Variants in LRRC9 observed in about 807,000 individuals in gnomAD.
LRRC9 encodes the protein leucine rich repeat containing 9.
A neutral mutation model predicts 63.2 loss-of-function variants in LRRC9; 122 were observed. The observed-to-expected ratio is 1.93, with a 90% CI of 1.67 to 2.24. The LOEUF is 2.24. LRRC9 is among the 30% of genes most tolerant of loss of function. The probability of loss-of-function intolerance (pLI) is 0.00; values close to 1 mark genes in which losing one functional copy is unlikely to be tolerated. For missense variants in LRRC9, 1,071 were observed against 627.7 expected, an observed-to-expected ratio of 1.71 and a Z score of -7.55; for synonymous variants, 366 against 213.1, an observed-to-expected ratio of 1.72 and a Z score of -6.25.
intron 31 of LRRC9, among the ~76,000 whole-genome samples, chr14:60,061,308 C>T (rs1566917405): frequency 6.6e-6 from 1 of 152,138 alleles, no homozygotes; most frequent in African/African-American, 2.4e-5. Context: ...TAAGAAATTG[C>T]CACAGCCACC....
rs1015770060 is a variant in LRRC9, at chr14:59,919,932, C to G, written c.-34+49C>G. 7.2e-5 allele frequency: 11 copies of G among 152,260 alleles called. No individual in the cohort carries two copies. The highest frequency in any genetic ancestry group is 1.3e-4 in the Non-Finnish European group (9 of 68,066). The allele number at this position is 152,260 out of a possible 1,614,324, so 9.4% of individuals were successfully genotyped here. The stretch of plus-strand genomic sequence containing the variant: ...TACAGAAAAACCTGCCAGCGAGAAG[C>G]TCCCGCCGTTTCCCAGGAGCCCCAG... On this transcript the variant is annotated intron_variant, in intron 1 of 31. Transcript: ENST00000445360. This position sits in a 1 kb window ranked among gnomAD's most constrained non-coding sequence, Gnocchi z 4.5.
At chr14:59,933,613 T>C (rs993592906) in intron 6 of LRRC9, among the ~76,000 whole-genome samples, 1 of 152,116 alleles carries the variant, frequency 6.6e-6, no homozygotes, top group African/African-American at 2.4e-5. Flanking sequence ...GGCAAAAATA[T>C]AAAAATACCA....
chr14:60,004,514 G>C lies in LRRC9; in HGVS notation c.2842+716G>C, dbSNP rs957380632. On this transcript the variant is annotated intron_variant, in intron 21 of 31. Coordinates refer to ENST00000445360, the Ensembl canonical transcript of LRRC9. The surrounding 1 kb of genome is among the most constrained non-coding windows in gnomAD (Gnocchi z 4.8). ...ATTTTATTTGACTGTTTAAAGTTCA[G>C]TATTAAAACATATTTTTCTGAACCA... Among the ~76,000 whole-genome samples the C allele has an allele frequency of 2.0e-5, 3 of 151,932 alleles. No individual in the cohort carries two copies. Among genetic ancestry groups the C allele is most frequent in the Non-Finnish European group, 4.4e-5 (3 of 67,918 alleles).
chr14:59,974,708 G>T (rs1284730710), exon 13 of LRRC9: 3 of 638,334 alleles, frequency 4.7e-6, no homozygotes, highest in African/African-American at 1.9e-5. Context: ...CTTCAGACAT[G>T]GTAAATACAA....
chr14:59,993,186 C>G (rs1339930040), intron 17 of LRRC9, among the ~76,000 whole-genome samples: 4 of 152,120 alleles, frequency 2.6e-5, no homozygotes, highest in Non-Finnish European at 5.9e-5. Flanking sequence ...AATTTTCAAC[C>G]CAGAATTTCA....
At chr14:59,928,414 T>C (rs1277902794) in exon 3 of LRRC9, 2 of 697,898 alleles carry the variant, frequency 2.9e-6, no homozygotes, top group East Asian at 2.7e-5. Flanking sequence ...TTGCTCAAGA[T>C]ATAAAAGAAA....
At chr14:60,014,740 T>A (rs550781395) in intron 23 of LRRC9, among the ~76,000 whole-genome samples, 1 of 152,222 alleles carries the variant, frequency 6.6e-6, no homozygotes, top group South Asian at 2.1e-4. Flanking sequence ...CTTGCATGGA[T>A]TTGGGTTTTT....
At chr14:60,013,987 T>C (rs1890472776) in intron 23 of LRRC9, among the ~76,000 whole-genome samples, 1 of 152,154 alleles carries the variant, frequency 6.6e-6, no homozygotes. Flanking sequence ...ATCTTTCTTC[T>C]GTTTTCTTTT....
chr14:59,944,854 ACACACACACACT>A (rs1882179857), intron 8 of LRRC9, 110 bp downstream of exon 8: 3 of 469,710 alleles, frequency 6.4e-6, no homozygotes, highest in South Asian at 7.7e-5. Context: ...TATAATACAC[ACACACACACACT>A]CACACACACA....
intron 24 of LRRC9, 30 bp downstream of exon 24, chr14:60,016,820 CATT>C (rs1890725486): frequency 3.2e-6 from 2 of 632,546 alleles, no homozygotes; most frequent in South Asian, 3.5e-5. Flanking sequence ...TGCCTTTTTA[CATT>C]ATAATTACAT....
At position 60,060,390 on chromosome 14, in the gene LRRC9, G is replaced by C. The variant is rs887240216; in HGVS notation, c.4276+2368G>C. ...CATGCTGTGGCTGATGGATCAAGGA[G>C]TAACTTCAAGTATTATGATTTAAGA... On this transcript the variant is annotated intron_variant, in intron 31 of 31. Transcript: ENST00000445360. This position sits in a 1 kb window ranked among gnomAD's most constrained non-coding sequence, Gnocchi z 4.0. Among the ~76,000 whole-genome samples the C allele has an allele frequency of 6.6e-6, 1 of 152,146 alleles. No homozygotes were observed. Among genetic ancestry groups the C allele is most frequent in the Non-Finnish European group, 1.5e-5 (1 of 68,040 alleles).
chr14:60,062,541 T>C (rs957006684), intron 31 of LRRC9, among the ~76,000 whole-genome samples: 1 of 152,238 alleles, frequency 6.6e-6, no homozygotes, highest in East Asian at 1.9e-4. Flanking sequence ...AGTTCACTTA[T>C]ACTGTAAACA....
At chr14:59,926,253 T>G (rs915750635) in intron 1 of LRRC9, among the ~76,000 whole-genome samples, 3 of 152,226 alleles carry the variant, frequency 2.0e-5, no homozygotes, top group Non-Finnish European at 2.9e-5. Flanking sequence ...CTGGCAATCA[T>G]TGCTCTTTTT....
At position 59,986,344 on chromosome 14, in the gene LRRC9, TC is replaced by T. The variant is rs1300549585; in HGVS notation, c.2211+1121del. ...ATCATCATTTTCAGCTCTTATTCAT[TC>T]TTTATTCCAGCTCCTTGCTACTATA... On this transcript the variant is annotated intron_variant, in intron 17 of 31. Transcript: ENST00000445360. This position sits in a 1 kb window ranked among gnomAD's most constrained non-coding sequence, Gnocchi z 4.7. Among the ~76,000 whole-genome samples, 1 of 152,232 alleles carries T rather than the reference TC, an allele frequency of 6.6e-6. No homozygotes were observed. Among genetic ancestry groups the T allele is most frequent in the Non-Finnish European group, 1.5e-5 (1 of 68,028 alleles).
At chr14:59,999,846 A>T (rs1889176373) in intron 19 of LRRC9, among the ~76,000 whole-genome samples, 1 of 152,070 alleles carries the variant, frequency 6.6e-6, no homozygotes, top group African/African-American at 2.4e-5. Flanking sequence ...TATTGATAAA[A>T]AATAATAATA....
At chr14:60,055,247 T>C (rs1410108598) in intron 30 of LRRC9, among the ~76,000 whole-genome samples, 1 of 152,228 alleles carries the variant, frequency 6.6e-6, no homozygotes, top group African/African-American at 2.4e-5. Flanking sequence ...CAAATTTTTT[T>C]CTAAAAACTA....
intron 17 of LRRC9, among the ~76,000 whole-genome samples, chr14:59,995,150 T>C (rs576665686): frequency 4.6e-5 from 7 of 152,300 alleles, no homozygotes; most frequent in African/African-American, 9.6e-5. Flanking sequence ...AAATACATCA[T>C]ATAGTTGTAT....
Position 60,026,304 on chromosome 14 carries a change from C to A in LRRC9, c.3704-1580C>A, listed in dbSNP as rs558373843. ...TGATTGCCTGTCTTTTGGATAAAAGCCATTTTTACTGGGGTGAGATGATAT... is the reference window on the plus strand; with the variant it reads ...TGATTGCCTGTCTTTTGGATAAAAGACATTTTTACTGGGGTGAGATGATAT... On this transcript the variant is annotated intron_variant, in intron 27 of 31. Coordinates refer to ENST00000445360, the Ensembl canonical transcript of LRRC9. Among the ~76,000 whole-genome samples, 12 of 152,148 alleles carry A rather than the reference C, an allele frequency of 7.9e-5. No individual in the cohort carries two copies. In the East Asian group the frequency reaches 1.7e-3, roughly 22 times the overall value.
chr14:60,057,915 C>A lies in LRRC9; in HGVS notation c.4169C>A (p.Ser1390Ter). ...ACCCACTCTCCTATGGATGGCAGAT[C>A]ATTTGGCCAAGTGAAAACTCCTCCC... is the stretch of plus-strand genomic sequence containing the variant. The change falls in exon 31 of 32, where the codon TCA becomes TAA. Residue 1390 changes from serine (S) to a stop codon, truncating the protein, a stop_gained. Coordinates refer to ENST00000445360, the Ensembl canonical transcript of LRRC9. LOFTEE classifies it high-confidence loss of function. 1.4e-6 allele frequency: 1 copy of A among 690,066 alleles called. No individual in the cohort carries two copies. Among genetic ancestry groups the A allele is most frequent in the African/African-American group, 1.7e-5 (1 of 57,246 alleles). 42.7% of individuals were successfully genotyped at this position (690,066 alleles called of 1,614,324 possible). A position where few individuals can be genotyped will look rare whatever the true frequency, so the allele number is the denominator to read the frequency against.
Sources: allele counts gnomAD v4.1 joint callset (sites outside exome capture counted in the v4.1 genomes callset), GRCh38; gene constraint gnomAD v4.1.1; non-coding constraint Gnocchi (gnomAD v3.1); transcripts MANE v1.5; gene names NCBI Gene and HGNC (gene_info 2026-07-23, HGNC 2026-07-21).